ABCC9: variants seen among roughly 807,000 people sequenced by gnomAD.
The protein encoded by ABCC9 is ATP-binding cassette sub-family C member 9.
ABCC9 carries 95 observed loss-of-function variants against 188.3 expected under a neutral mutation model. The ratio of observed to expected loss-of-function variants is 0.50; its 90% confidence interval spans 0.43 to 0.60. The LOEUF (loss-of-function observed/expected upper bound fraction) is 0.60, where lower values mean the gene tolerates loss of function less well. Among genes scored for constraint, ABCC9 ranks in the 20% least tolerant of loss-of-function variants. The probability of loss-of-function intolerance (pLI) is 0.00; values close to 1 mark genes in which losing one functional copy is unlikely to be tolerated. For synonymous variants in ABCC9, 659 were observed against 652.7 expected, an observed-to-expected ratio of 1.01 and a Z score of -0.15; for missense variants, 1,102 against 1,876.3, an observed-to-expected ratio of 0.59 and a Z score of 7.62.
chr12:21,872,595 G>T, intron 18 of ABCC9, 30 bp downstream of exon 18: 1 of 1,477,418 alleles, frequency 6.8e-7, no homozygotes, highest in Non-Finnish European at 9.5e-7. Flanking sequence ...GTATGACATA[G>T]CAATGGAAGC....
At chr12:21,802,421 T>C (rs948962284) in intron 39 of ABCC9, among the ~76,000 whole-genome samples, 1 of 152,166 alleles carries the variant, frequency 6.6e-6, no homozygotes, top group Admixed American at 6.5e-5. Flanking sequence ...TTTTAAATTT[T>C]CTAGGAGCTA....
intron 37 of ABCC9, 65 bp downstream of exon 37, chr12:21,809,787 G>T (rs149533136): frequency 2.1e-6 from 2 of 930,994 alleles, no homozygotes; most frequent in East Asian, 2.4e-5. Flanking sequence ...AGCATAAAAC[G>T]TAGATAGACA....
intron 22 of ABCC9, 71 bp downstream of exon 22, chr12:21,859,515 C>T (rs1945397031): frequency 1.4e-6 from 2 of 1,449,454 alleles, no homozygotes; most frequent in South Asian, 1.1e-5. Context: ...ACTTGACTTA[C>T]ACCTTTTTAA....
intron 38 of ABCC9, among the ~76,000 whole-genome samples, chr12:21,806,598 G>A (rs1941864228): frequency 2.0e-5 from 3 of 152,126 alleles, no homozygotes; most frequent in African/African-American, 4.8e-5. Context: ...AATTTTTAAA[G>A]TGAAGGAGTT....
intron 4 of ABCC9, among the ~76,000 whole-genome samples, chr12:21,926,479 A>G (rs1282852585): frequency 6.6e-6 from 1 of 152,220 alleles, no homozygotes; most frequent in African/African-American, 2.4e-5. Context: ...CTCCATTCTC[A>G]TTAATTCATT....
chr12:21,902,418 G>T (rs982344671), intron 12 of ABCC9, among the ~76,000 whole-genome samples: 2 of 152,176 alleles, frequency 1.3e-5, no homozygotes, highest in East Asian at 3.9e-4. Flanking sequence ...ACATTCAAAA[G>T]CTAGCAGAAG....
chr12:21,907,817 C>T (rs1592205814), intron 11 of ABCC9, among the ~76,000 whole-genome samples: 1 of 151,992 alleles, frequency 6.6e-6, no homozygotes, highest in Non-Finnish European at 1.5e-5. Flanking sequence ...GACTGAAAGC[C>T]TTATCACCTC....
intron 39 of ABCC9, among the ~76,000 whole-genome samples, chr12:21,802,890 C>T (rs1727957020): frequency 6.6e-6 from 1 of 151,974 alleles, no homozygotes; most frequent in African/African-American, 2.4e-5. Flanking sequence ...TTCAGAAAAG[C>T]CAGCAGTTAT....
chr12:21,859,206 G>A (rs769116587), intron 22 of ABCC9, among the ~76,000 whole-genome samples: 5 of 152,082 alleles, frequency 3.3e-5, no homozygotes, highest in Non-Finnish European at 7.3e-5. Flanking sequence ...GGGGTACTAC[G>A]CTTACTTAGC....
chr12:21,842,147 T>C (rs1000192386), intron 29 of ABCC9, among the ~76,000 whole-genome samples, 167 bp downstream of exon 29: 1 of 152,236 alleles, frequency 6.6e-6, no homozygotes, highest in Non-Finnish European at 1.5e-5. Context: ...CATCAGTGTG[T>C]ATTCAATGTA....
At chr12:21,915,498 GTGTA>G (rs1382660389) in intron 7 of ABCC9, among the ~76,000 whole-genome samples, 166 bp downstream of exon 7, 1 of 8,912 alleles carries the variant, frequency 1.1e-4, no homozygotes, top group African/African-American at 5.0e-4. Flanking sequence ...GTGTGTGTGT[GTGTA>G]TATATATATA....
chr12:21,873,696 G>T (rs146894596), intron 17 of ABCC9, among the ~76,000 whole-genome samples: 1 of 151,956 alleles, frequency 6.6e-6, no homozygotes, highest in Non-Finnish European at 1.5e-5. Context: ...AAAACAGTAC[G>T]GTACTTGCAT....
chr12:21,899,810 G>A (rs10770862), intron 12 of ABCC9, among the ~76,000 whole-genome samples: 93,871 of 152,036 alleles, frequency 0.62, 29,219 homozygotes, highest in East Asian at 0.8. Context: ...CAGAGCAGCC[G>A]GGAAGCTCAA....
rs1942705225 is a variant in ABCC9, at chr12:21,817,210, G to C, written c.3869C>G (p.Ser1290Ter). The C allele has an allele frequency of 6.2e-7, 1 of 1,613,618 alleles. No individual in the cohort carries two copies. The highest frequency in any genetic ancestry group is 1.3e-5 in the African/African-American group (1 of 74,866). ...ACCCATTGTGCCTTCATAGTTCTCT[G>C]ACTCCATAGTCAGGAAACTGTTCAC... ...KKVNSFLTME[S>*]ENYEGTMDPS... Residue 1290 changes from serine (S) to a stop codon, truncating the protein, a stop_gained, in exon 33 of 40, where the codon TCA becomes TGA. Coordinates refer to ENST00000261200, the MANE Select transcript of ABCC9 (RefSeq NM_020297.4). LOFTEE classifies it high-confidence loss of function.
chr12:21,890,167 A>G (rs892892957), intron 14 of ABCC9, among the ~76,000 whole-genome samples: 2 of 152,190 alleles, frequency 1.3e-5, no homozygotes, highest in African/African-American at 4.8e-5. Flanking sequence ...ATTATGGAAA[A>G]TGCACAAATC....
At chr12:21,826,966 A>C (rs1943416558) in intron 31 of ABCC9, among the ~76,000 whole-genome samples, 5 of 152,186 alleles carry the variant, frequency 3.3e-5, no homozygotes, top group Admixed American at 3.3e-4. Flanking sequence ...AGGAGAAGAC[A>C]TAGTAACAAA....
intron 5 of ABCC9, chr12:21,925,584 G>A: frequency 2.9e-6 from 2 of 694,026 alleles, no homozygotes; most frequent in South Asian, 3.0e-5. Flanking sequence ...TTGTTCACAG[G>A]GCAGCATGGT....
intron 10 of ABCC9, among the ~76,000 whole-genome samples, chr12:21,908,983 T>TC (rs1464492360): frequency 6.6e-6 from 1 of 151,926 alleles, no homozygotes; most frequent in African/African-American, 2.4e-5. Context: ...TCCATGCAGT[T>TC]CAAGTATATA....
intron 2 of ABCC9, among the ~76,000 whole-genome samples, chr12:21,939,785 C>A (rs1259594253): frequency 6.6e-6 from 1 of 152,170 alleles, no homozygotes; most frequent in African/African-American, 2.4e-5. Flanking sequence ...AAACAAAGAT[C>A]AAAGTGAAAT....
Sources: allele counts gnomAD v4.1 joint callset (sites outside exome capture counted in the v4.1 genomes callset), GRCh38; gene constraint gnomAD v4.1.1; transcripts MANE v1.5; gene names NCBI Gene and HGNC (gene_info 2026-07-23, HGNC 2026-07-21).